HAVCR2: variants seen among roughly 807,000 people sequenced by gnomAD.
The protein encoded by HAVCR2 is hepatitis A virus cellular receptor 2, also known as T cell immunoglobulin mucin 3.
In HAVCR2, 13 loss-of-function variants were observed where a neutral mutation model predicts 24.7. The ratio of observed to expected loss-of-function variants is 0.53; its 90% confidence interval spans 0.34 to 0.84. The LOEUF is 0.84. Ranked by LOEUF, HAVCR2 falls within the 40% of genes least tolerant of loss-of-function variation. The pLI is 0.01. For missense variants in HAVCR2, 343 were observed against 371.2 expected (o/e 0.92, Z 0.62); for synonymous variants, 154 against 143.4 (o/e 1.07, Z -0.53).
intron 3 of HAVCR2, among the ~76,000 whole-genome samples, chr5:157,100,023 G>T (rs1757147343): frequency 6.6e-6 from 1 of 152,104 alleles, no homozygotes; most frequent in Admixed American, 6.6e-5. Context: ...AATAAGTTTT[G>T]CATTTACTCA....
chr5:157,089,305 A>G (rs1756958716), intron 5 of HAVCR2, among the ~76,000 whole-genome samples: 1 of 152,196 alleles, frequency 6.6e-6, no homozygotes, highest in African/African-American at 2.4e-5. Context: ...GGGAGACCAA[A>G]GAAATAAAAG....
chr5:157,091,626 G>A (rs1337341231), intron 5 of HAVCR2, among the ~76,000 whole-genome samples: 1 of 152,120 alleles, frequency 6.6e-6, no homozygotes, highest in Non-Finnish European at 1.5e-5. Flanking sequence ...GTGAGAACGA[G>A]TTGAGAAATG....
In HAVCR2 at chr5:157,090,210, A is replaced by G. The variant is rs1756978032; in HGVS notation, c.677-1233T>C. 2.1e-5 allele frequency among the ~76,000 whole-genome samples: 3 copies of G among 140,420 alleles called. No individual in the cohort carries two copies. The Admixed American group carries it at 2.3e-4, about 11-fold the overall frequency. 92.1% of individuals were successfully genotyped at this position (140,420 alleles called of 152,430 possible). A position where few individuals can be genotyped will look rare whatever the true frequency, so the allele number is the denominator to read the frequency against. On this transcript the variant is annotated intron_variant, in intron 5 of 6. Transcript: ENST00000307851. Reference sequence around the variant, plus strand: ...AGTAGTAAGATCATATCTGATTGCAACTTTGAACTCCTGGGCTCAAGGGAT... The same window carrying G: ...AGTAGTAAGATCATATCTGATTGCAGCTTTGAACTCCTGGGCTCAAGGGAT...
chr5:157,102,337 G>A (rs1757179498), intron 3 of HAVCR2, among the ~76,000 whole-genome samples: 1 of 152,034 alleles, frequency 6.6e-6, no homozygotes, highest in African/African-American at 2.4e-5. Context: ...GCCTCCCATA[G>A]TGCTGGGATT....
chr5:157,106,608 C>T lies in HAVCR2; in HGVS notation c.394+19G>A. 6.4e-7 allele frequency: 1 copy of T among 1,570,330 alleles called. No individual in the cohort carries two copies. The highest frequency in any genetic ancestry group is 8.8e-7 in the Non-Finnish European group (1 of 1,140,580). On this transcript the variant is annotated intron_variant, in intron 2 of 6. Transcript: ENST00000307851. ...AGATAAATCTTATTCATAAAGATGG[C>T]ATGCAAATGTCCACTCACCTGGTTT...
At chr5:157,092,913 A>AAAAAAAAAAAAATAAAAAAAAAT (rs1561619880) in intron 5 of HAVCR2, among the ~76,000 whole-genome samples, 4 of 122,972 alleles carry the variant, frequency 3.3e-5, no homozygotes, top group African/African-American at 1.2e-4. Flanking sequence ...AAAAAAAAAA[A>AAAAAAAAAAAAATAAAAAAAAAT]AAAAACTAGC....
At chr5:157,093,629 A>C (rs923813762) in intron 5 of HAVCR2, among the ~76,000 whole-genome samples, 1 of 152,178 alleles carries the variant, frequency 6.6e-6, no homozygotes, top group African/African-American at 2.4e-5. Flanking sequence ...GCCCTAAAAG[A>C]AAATAAAATA....
rs548471119 is a variant in HAVCR2, at chr5:157,087,076, C to G, written c.*26G>C. The G allele has an allele frequency of 6.2e-6, 10 of 1,605,798 alleles. No individual in the cohort carries two copies. The highest frequency in any genetic ancestry group is 4.5e-5 in the East Asian group (2 of 44,738). ...ATAGTTTCTGAAAAAGACAAAACAC[C>G]AAGCTCAAAAATAAGGTGGTTGGAT... On this transcript the variant is annotated 3_prime_UTR_variant, in exon 7 of 7. Transcript: ENST00000307851.
At chr5:157,093,907 T>G (rs1757051078) in intron 5 of HAVCR2, among the ~76,000 whole-genome samples, 1 of 152,182 alleles carries the variant, frequency 6.6e-6, no homozygotes, top group South Asian at 2.1e-4. Context: ...ATCGTGCCAC[T>G]GCACTCCAGC....
chr5:157,097,335 G>A (rs1308065768), intron 4 of HAVCR2, among the ~76,000 whole-genome samples: 1 of 149,248 alleles, frequency 6.7e-6, no homozygotes, highest in East Asian at 2.0e-4. Flanking sequence ...GCTCAATGCA[G>A]CCTCAACCTA....
At chr5:157,108,112 T>C (rs993620633) in intron 1 of HAVCR2, among the ~76,000 whole-genome samples, 1 of 152,116 alleles carries the variant, frequency 6.6e-6, no homozygotes, top group East Asian at 1.9e-4. Flanking sequence ...TTATATATTT[T>C]CTTTTGATTT....
intron 6 of HAVCR2, among the ~76,000 whole-genome samples, chr5:157,088,632 TAGG>T (rs1446272822): frequency 1.3e-5 from 2 of 152,182 alleles, no homozygotes; most frequent in Non-Finnish European, 2.9e-5. Context: ...CTGGATATAA[TAGG>T]AGCTCAATCC....
At chr5:157,092,070 T>C (rs1757010648) in intron 5 of HAVCR2, among the ~76,000 whole-genome samples, 1 of 151,864 alleles carries the variant, frequency 6.6e-6, no homozygotes, top group African/African-American at 2.4e-5. Context: ...AGCATCAGAT[T>C]TCCTCTAGAT....
At chr5:157,103,609 G>A (rs945327976) in intron 3 of HAVCR2, among the ~76,000 whole-genome samples, 2 of 152,186 alleles carry the variant, frequency 1.3e-5, no homozygotes, top group Admixed American at 6.6e-5. Context: ...AAACTTTGGA[G>A]AGCTAAAACC....
chr5:157,098,260 AG>A (rs573317660), intron 4 of HAVCR2, among the ~76,000 whole-genome samples: 74 of 151,806 alleles, frequency 4.9e-4, no homozygotes, highest in Non-Finnish European at 8.4e-4. Context: ...TAAAAAAATT[AG>A]CCGGGTGTGG....
chr5:157,100,462 CACTATG>C (rs1156293510), intron 3 of HAVCR2, among the ~76,000 whole-genome samples: 1 of 152,140 alleles, frequency 6.6e-6, no homozygotes, highest in Non-Finnish European at 1.5e-5. Flanking sequence ...CATGAATATG[CACTATG>C]CCCTTACTCT....
At chr5:157,091,446 C>CA (rs755414299) in intron 5 of HAVCR2, among the ~76,000 whole-genome samples, 3,077 of 116,770 alleles carry the variant, frequency 0.026, 86 homozygotes, top group African/African-American at 0.072. Flanking sequence ...AACTCTGTCT[C>CA]AAAAAAAAAA....
chr5:157,103,212 A>G (rs1188342751), intron 3 of HAVCR2, among the ~76,000 whole-genome samples: 3 of 151,820 alleles, frequency 2.0e-5, no homozygotes, highest in African/African-American at 7.3e-5. Flanking sequence ...AAATACAAAA[A>G]AGAAAAAAAT....
At position 157,087,164 on chromosome 5, in the gene HAVCR2, A is replaced by G; in HGVS notation, c.844T>C (p.Cys282Arg). The change falls in exon 7 of 7, where the codon TGC becomes CGC. Residue 282 changes from cysteine to arginine, a missense_variant. Cys to Arg is a radical substitution (Grantham distance 180). Coordinates refer to ENST00000307851, the MANE Select transcript of HAVCR2 (RefSeq NM_032782.5). Reference sequence around the variant, plus strand: ...GGTTGCTGCCTGCTGCTGACATAGCAATAATACTCATTGGGCTCCTCCACT... The same window carrying G: ...GGTTGCTGCCTGCTGCTGACATAGCGATAATACTCATTGGGCTCCTCCACT... The part of the protein sequence containing the change: ...YEVEEPNEYY[C>R]YVSSRQQPSQ... 4 of 1,614,152 alleles carry G rather than the reference A, an allele frequency of 2.5e-6. No homozygotes were observed. The South Asian group carries it at 4.4e-5, about 18-fold the overall frequency.
Sources: allele counts gnomAD v4.1 joint callset (sites outside exome capture counted in the v4.1 genomes callset), GRCh38; gene constraint gnomAD v4.1.1; transcripts MANE v1.5; gene names NCBI Gene and HGNC (gene_info 2026-07-23, HGNC 2026-07-21).